Variants in MACROD2 observed in about 807,000 individuals in gnomAD.
MACROD2 encodes mono-ADP ribosylhydrolase 2, also known as ADP-ribose glycohydrolase MACROD2.
A neutral mutation model predicts 70.4 loss-of-function variants in MACROD2; 36 were observed. That is an observed-to-expected ratio of 0.51 (90% CI 0.39 to 0.68). MACROD2 has a LOEUF of 0.68. Ranked by LOEUF, MACROD2 falls within the 30% of genes least tolerant of loss-of-function variation. The probability of loss-of-function intolerance (pLI) is 0.00; values close to 1 mark genes in which losing one functional copy is unlikely to be tolerated. For synonymous variants in MACROD2, 172 were observed against 178.8 expected (o/e 0.96, Z 0.30); for missense variants, 496 against 538.4 (o/e 0.92, Z 0.78).
intron 1 of MACROD2, among the ~76,000 whole-genome samples, chr20:13,996,877 C>T (rs1182701405): frequency 6.6e-6 from 1 of 152,164 alleles, no homozygotes; most frequent in East Asian, 1.9e-4. Flanking sequence ...GGTACCTCAT[C>T]TTTACAAAAG....
intron 3 of MACROD2, among the ~76,000 whole-genome samples, chr20:14,188,075 A>G (rs2148736264): frequency 6.6e-6 from 1 of 152,284 alleles, no homozygotes; most frequent in East Asian, 1.9e-4. Flanking sequence ...CCAGATTATG[A>G]AAAACTTTGT....
chr20:15,179,103 T>C (rs2076482473), intron 5 of MACROD2, among the ~76,000 whole-genome samples: 1 of 152,106 alleles, frequency 6.6e-6, no homozygotes, highest in African/African-American at 2.4e-5. Flanking sequence ...CACACAAAAA[T>C]CCAGAATAGT....
intron 6 of MACROD2, among the ~76,000 whole-genome samples, chr20:15,398,295 ATTTT>A (rs995581250): frequency 3.3e-5 from 5 of 152,148 alleles, no homozygotes; most frequent in African/African-American, 4.8e-5. Flanking sequence ...CATTCTCTTG[ATTTT>A]TTATAGAAGA....
chr20:15,255,221 CTAATG>C (rs1179855181), intron 6 of MACROD2, among the ~76,000 whole-genome samples: 3 of 151,986 alleles, frequency 2.0e-5, no homozygotes, highest in South Asian at 4.2e-4. Context: ...CCTGTACTCT[CTAATG>C]TAAGAAGATT....
chr20:14,904,416 T>A (rs1471318456), intron 5 of MACROD2, among the ~76,000 whole-genome samples: 2 of 152,190 alleles, frequency 1.3e-5, no homozygotes, highest in Admixed American at 6.5e-5. Context: ...GACAAATCAC[T>A]GTGCCTAATT....
chr20:14,575,017 C>CAAAAAAAAAAAAAAAAAAAAAA (rs1195216470), intron 4 of MACROD2, among the ~76,000 whole-genome samples: 11 of 49,936 alleles, frequency 2.2e-4, no homozygotes, highest in African/African-American at 7.3e-4. Context: ...GACTCTGTCT[C>CAAAAAAAAAAAAAAAAAAAAAA]AAAAAAAAAA....
intron 3 of MACROD2, among the ~76,000 whole-genome samples, chr20:14,144,504 C>A (rs1308789423): frequency 1.3e-5 from 2 of 152,074 alleles, no homozygotes. Context: ...ATATTTATTA[C>A]CTGCATGTAT....
intron 6 of MACROD2, among the ~76,000 whole-genome samples, chr20:15,319,726 G>A (rs756645449): frequency 6.6e-6 from 1 of 152,162 alleles, no homozygotes; most frequent in Non-Finnish European, 1.5e-5. Flanking sequence ...CTGTGGAAAT[G>A]CATGAATGGA....
intron 5 of MACROD2, among the ~76,000 whole-genome samples, chr20:14,980,997 C>G (rs1298867965): frequency 6.6e-6 from 1 of 151,294 alleles, no homozygotes; most frequent in Non-Finnish European, 1.5e-5. Flanking sequence ...CAGAGTGCAG[C>G]CAGAAGGATC....
chr20:14,400,196 G>T (rs1309579470), intron 3 of MACROD2, among the ~76,000 whole-genome samples: 2 of 152,046 alleles, frequency 1.3e-5, no homozygotes, highest in Non-Finnish European at 2.9e-5. Flanking sequence ...TTTATTCTAG[G>T]ATTCATTGGA....
rs182321545 is a variant in MACROD2, at chr20:14,208,396, G to T, written c.271+122668G>T. ...GGGTACCTTTCTGGGATAGTGCTCA[G>T]TGCATGGCCATTTTCTTTCTCTAGG... On this transcript the variant is annotated intron_variant, in intron 3 of 17. Coordinates refer to ENST00000684519, the MANE Select transcript of MACROD2 (RefSeq NM_001351661.2). 3.3e-5 allele frequency among the ~76,000 whole-genome samples: 5 copies of T among 152,304 alleles called. No homozygotes were observed. The East Asian group carries it at 9.7e-4, about 29-fold the overall frequency.
In MACROD2 at chr20:15,286,919, G is replaced by T. The variant is rs111483337; in HGVS notation, c.540+56858G>T. 3.8e-3 allele frequency among the ~76,000 whole-genome samples: 582 copies of T among 152,152 alleles called. 4 individuals carry two copies. The highest frequency in any genetic ancestry group is 0.013 in the African/African-American group (545 of 41,536). On this transcript the variant is annotated intron_variant, in intron 6 of 17. Coordinates refer to ENST00000684519, the MANE Select transcript of MACROD2 (RefSeq NM_001351661.2). ...TGGGTTGGAGATACATATTAGAGAAGAGAGAACTAGAGTGAACTCTCCCTA... is the reference window on the plus strand; with the variant it reads ...TGGGTTGGAGATACATATTAGAGAATAGAGAACTAGAGTGAACTCTCCCTA...
At chr20:15,589,215 A>C (rs2048644890) in intron 8 of MACROD2, among the ~76,000 whole-genome samples, 1 of 152,184 alleles carries the variant, frequency 6.6e-6, no homozygotes, top group South Asian at 2.1e-4. Context: ...AGAATAGCAT[A>C]GGAAAGACTG....
Position 14,294,958 on chromosome 20 carries a change from C to A in MACROD2, c.272-198521C>A, listed in dbSNP as rs144143621. ...CACAGAAGTGTCAGAAACACTACTT[C>A]TGTGTCAGAAACAGCCAGTCAGTGG... On this transcript the variant is annotated intron_variant, in intron 3 of 17. Transcript: ENST00000684519. Among the ~76,000 whole-genome samples the A allele has an allele frequency of 5.4e-4, 82 of 151,762 alleles. 1 individual carries two copies. In the East Asian group the frequency reaches 0.014, roughly 27 times the overall value.
At chr20:15,052,714 GC>G in intron 5 of MACROD2, among the ~76,000 whole-genome samples, 1 of 152,256 alleles carries the variant, frequency 6.6e-6, no homozygotes, top group East Asian at 1.9e-4. Context: ...CTCTACAATG[GC>G]CTTTAAGTGT....
intron 6 of MACROD2, among the ~76,000 whole-genome samples, chr20:15,260,343 ATTTT>A (rs71190182): frequency 6.9e-6 from 1 of 145,694 alleles, no homozygotes. Flanking sequence ...CCATGAGATC[ATTTT>A]TTTTTTTTTA....
intron 8 of MACROD2, among the ~76,000 whole-genome samples, chr20:15,608,386 T>C (rs984029868): frequency 1.3e-5 from 2 of 152,240 alleles, no homozygotes; most frequent in South Asian, 4.1e-4. Flanking sequence ...TGATCTCTTA[T>C]GCTTTACCAT....
intron 5 of MACROD2, among the ~76,000 whole-genome samples, chr20:14,805,568 G>A (rs1042057917): frequency 3.3e-5 from 5 of 151,968 alleles, no homozygotes; most frequent in South Asian, 2.1e-4. Flanking sequence ...AAAATTTAGC[G>A]AAGCTCTGAA....
At chr20:15,493,824 G>T (rs1001390186) in intron 7 of MACROD2, among the ~76,000 whole-genome samples, 1 of 152,160 alleles carries the variant, frequency 6.6e-6, no homozygotes, top group South Asian at 2.1e-4. Flanking sequence ...AGTCTTTATT[G>T]CTATGTCTTT....
Sources: gnomAD v4.1 joint callset for allele counts (sites outside exome capture counted in the v4.1 genomes callset) on GRCh38, gnomAD v4.1.1 for gene constraint, MANE v1.5 for transcripts, NCBI Gene and HGNC (gene_info 2026-07-23, HGNC 2026-07-21) for gene names.